The following ATP5MGL variants were observed in gnomAD, a reference collection of about 807,000 sequenced individuals.
ATP5MGL encodes the protein ATP synthase membrane subunit g like.
For missense variants in ATP5MGL, 119 were observed against 123.1 expected, an observed-to-expected ratio of 0.97 and a Z score of 0.16; for synonymous variants, 56 against 48.3, an observed-to-expected ratio of 1.16 and a Z score of -0.66.
rs559514039 is a variant in ATP5MGL, at chr22:42,640,174, G to A, written c.101C>T (p.Thr34Ile). The A allele has an allele frequency of 2.6e-5, 42 of 1,612,616 alleles. 2 individuals are homozygous for A. In the East Asian group the frequency reaches 8.0e-4, roughly 31 times the overall value. Residue 34 changes from threonine to isoleucine, a missense_variant, in exon 1 of 1, where the codon ACC becomes ATC. Coordinates refer to ENST00000505920, the MANE Select transcript of ATP5MGL (RefSeq NM_001165877.1). ...GGTGGGAGGAACCAGCTCAACCGTGGTGTAGTACCAAAATGCGGCCAATCG... is the reference window on the plus strand; with the variant it reads ...GGTGGGAGGAACCAGCTCAACCGTGATGTAGTACCAAAATGCGGCCAATCG... ...KPRLAAFWYY[T>I]TVELVPPTPA...
Position 42,640,291 on chromosome 22 carries a change from G to C in ATP5MGL, c.-17C>G. The C allele has an allele frequency of 6.5e-7, 1 of 1,543,848 alleles. No individual in the cohort carries two copies. Among genetic ancestry groups the C allele is most frequent in the Non-Finnish European group, 8.7e-7 (1 of 1,146,218 alleles). On this transcript the variant is annotated 5_prime_UTR_variant, in exon 1 of 1. Transcript: ENST00000505920. Reference sequence around the variant, plus strand: ...TGGAGCCATGGTTCTGGGATGGAAAGTCCATCATCCCGAATGGCCAGCTGA... The same window carrying C: ...TGGAGCCATGGTTCTGGGATGGAAACTCCATCATCCCGAATGGCCAGCTGA...
Position 42,640,509 on chromosome 22 carries a change from G to C in ATP5MGL, c.-235C>G, listed in dbSNP as rs1311629792. On this transcript the variant is annotated 5_prime_UTR_variant, in exon 1 of 1. Coordinates refer to ENST00000505920, the MANE Select transcript of ATP5MGL (RefSeq NM_001165877.1). ...TTTTCCTGCCTCAGCCTCCCGAGTAGCTGGGATTACAGGTGAGCACCACCA... is the reference window on the plus strand; with the variant it reads ...TTTTCCTGCCTCAGCCTCCCGAGTACCTGGGATTACAGGTGAGCACCACCA... The C allele has an allele frequency of 4.5e-6, 1 of 219,806 alleles. No homozygotes were observed. The highest frequency in any genetic ancestry group is 8.7e-6 in the Non-Finnish European group (1 of 115,502). The allele number at this position is 219,806 out of a possible 1,614,324, so 13.6% of individuals were successfully genotyped here. A position where few individuals can be genotyped will look rare whatever the true frequency, so the allele number is the denominator to read the frequency against.
At chr22:42,640,012 T>TA in the ATP5MGL span, 1 of 1,613,020 alleles carries the variant, frequency 6.2e-7, no homozygotes, top group African/African-American at 1.3e-5. Context: ...CTCTCTGACA[T>TA]AAAACCACGT....
Position 42,639,910 on chromosome 22 carries a change from TC to T in ATP5MGL, c.*61del, listed in dbSNP as rs1314111145. Reference sequence around the variant, plus strand: ...CAGATAGCAGTCTGATCACACCTGGTCCAACAACACTCAAATAATAAATCAA... The same window carrying T: ...CAGATAGCAGTCTGATCACACCTGGTCAACAACACTCAAATAATAAATCAA... On this transcript the variant is annotated 3_prime_UTR_variant, in exon 1 of 1. Coordinates refer to ENST00000505920, the MANE Select transcript of ATP5MGL (RefSeq NM_001165877.1). 4.6e-6 allele frequency: 7 copies of T among 1,522,032 alleles called. No homozygotes were observed. The African/African-American group carries it at 9.6e-5, about 21-fold the overall frequency. The allele number at this position is 1,522,032 out of a possible 1,614,324, so 94.3% of individuals were successfully genotyped here.
At position 42,640,188 on chromosome 22, in the gene ATP5MGL, T is replaced by C; in HGVS notation, c.87A>G (p.Ala29=). 2 of 1,611,182 alleles carry C rather than the reference T, an allele frequency of 1.2e-6. No homozygotes were observed. The highest frequency in any genetic ancestry group is 1.7e-6 in the Non-Finnish European group (2 of 1,179,478). Residue 29 remains alanine, a synonymous_variant, in exon 1 of 1, where the codon GCA becomes GCG. Coordinates refer to ENST00000505920, the MANE Select transcript of ATP5MGL (RefSeq NM_001165877.1). Reference sequence around the variant, plus strand: ...GCTCAACCGTGGTGTAGTACCAAAATGCGGCCAATCGAGGCTTCAAGTAAG... The same window carrying C: ...GCTCAACCGTGGTGTAGTACCAAAACGCGGCCAATCGAGGCTTCAAGTAAG... ...AVTYLKPRLA[A]FWYYTTVELV... is the part of the protein sequence containing the mutation.
rs897138660 is a variant in ATP5MGL at position 42,639,825 on chromosome 22, T to C, written c.*147A>G. On this transcript the variant is annotated 3_prime_UTR_variant, in exon 1 of 1. Coordinates refer to ENST00000505920, the MANE Select transcript of ATP5MGL (RefSeq NM_001165877.1). Reference sequence around the variant, plus strand: ...GACACAGTTGACCCTTGAACATGGGTTGGAACTGCTTGATTCACTTTTTTT... The same window carrying C: ...GACACAGTTGACCCTTGAACATGGGCTGGAACTGCTTGATTCACTTTTTTT... The C allele has an allele frequency of 9.9e-7, 1 of 1,015,036 alleles. No homozygotes were observed. Among genetic ancestry groups the C allele is most frequent in the Non-Finnish European group, 1.4e-6 (1 of 722,074 alleles). 62.9% of individuals were successfully genotyped at this position (1,015,036 alleles called of 1,614,324 possible).
rs1209353550 is a variant in ATP5MGL at position 42,640,015 on chromosome 22, AACC to A, written c.257_259del (p.Trp86del). On this transcript the variant is annotated inframe_deletion, in exon 1 of 1. Coordinates refer to ENST00000505920, the MANE Select transcript of ATP5MGL (RefSeq NM_001165877.1). ...CTTGCCTGTGATCTCTCTGACATAA[AACC>A]ACGTCGACACCTCAGTGGCCACCAA... The A allele has an allele frequency of 6.2e-7, 1 of 1,613,176 alleles. No individual in the cohort carries two copies.
At chr22:42,640,076 GT>G in the ATP5MGL span, 14 of 1,613,740 alleles carry the variant, frequency 8.7e-6, no homozygotes, top group African/African-American at 1.7e-4. Flanking sequence ...ACTGTGAGCT[GT>G]TTGAAGCTAC....
In ATP5MGL at chr22:42,639,819, C is replaced by G; in HGVS notation, c.*153G>C. 1.0e-6 allele frequency: 1 copy of G among 952,502 alleles called. No individual in the cohort carries two copies. Among genetic ancestry groups the G allele is most frequent in the East Asian group, 2.7e-5 (1 of 37,674 alleles). The allele number at this position is 952,502 out of a possible 1,614,324, so 59.0% of individuals were successfully genotyped here. ...AATATAGACACAGTTGACCCTTGAACATGGGTTGGAACTGCTTGATTCACT... is the reference window on the plus strand; with the variant it reads ...AATATAGACACAGTTGACCCTTGAAGATGGGTTGGAACTGCTTGATTCACT... On this transcript the variant is annotated 3_prime_UTR_variant, in exon 1 of 1. Transcript: ENST00000505920.
chr22:42,640,256 T>TACGGACAAATGGAGCCATGGTTCTGGG lies in ATP5MGL; in HGVS notation c.-9_18dup (p.Arg6_Asn7insProArgThrMetAlaProPheValArg), dbSNP rs1345713854. ...AGTGCTGGGGTCTTCTCCACAAGGTTACGGACAAATGGAGCCATGGTTCTG... is the reference window on the plus strand; with the variant it reads ...AGTGCTGGGGTCTTCTCCACAAGGTTACGGACAAATGGAGCCATGGTTCTGGGACGGACAAATGGAGCCATGGTTCTG... On this transcript the variant is annotated inframe_insertion, in exon 1 of 1. Transcript: ENST00000505920. 3.2e-6 allele frequency: 5 copies of TACGGACAAATGGAGCCATGGTTCTGGG among 1,568,542 alleles called. No individual in the cohort carries two copies. Among genetic ancestry groups the TACGGACAAATGGAGCCATGGTTCTGGG allele is most frequent in the Non-Finnish European group, 4.3e-6 (5 of 1,160,334 alleles).
At position 42,640,098 on chromosome 22, in the gene ATP5MGL, A is replaced by T; in HGVS notation, c.177T>A (p.Ser59Arg). The change falls in exon 1 of 1, where the codon AGT becomes AGA. Residue 59 changes from serine (S) to arginine (R), a missense_variant. By Grantham distance (110) the Ser-to-Arg change is moderately radical. Coordinates refer to ENST00000505920, the MANE Select transcript of ATP5MGL (RefSeq NM_001165877.1). The part of the protein sequence containing the change: ...AIQSLKKIVS[S>R]AQTGSFKQLT... ...GCTGTTTGAAGCTACCAGTCTGAGC[A>T]CTACTGACTATTTTTTTCAGGCTCT... is the stretch of plus-strand genomic sequence containing the variant. The T allele has an allele frequency of 6.2e-7, 1 of 1,613,956 alleles. No homozygotes were observed.
chr22:42,640,554 C>A lies in ATP5MGL; in HGVS notation c.-280G>T. ...CCACCACGTCTGGCTAATTTTTGTA[C>A]TTTTAGTAGAGACAATGTTTCGCCA... On this transcript the variant is annotated 5_prime_UTR_variant, in exon 1 of 1. Transcript: ENST00000505920. 1 of 169,518 alleles carries A rather than the reference C, an allele frequency of 5.9e-6. No homozygotes were observed. The highest frequency in any genetic ancestry group is 1.2e-5 in the Non-Finnish European group (1 of 80,348). 10.5% of individuals were successfully genotyped at this position (169,518 alleles called of 1,614,324 possible). A position where few individuals can be genotyped will look rare whatever the true frequency, so the allele number is the denominator to read the frequency against.
At position 42,640,419 on chromosome 22, in the gene ATP5MGL, C is replaced by T. The variant is rs1044525039; in HGVS notation, c.-145G>A. 9 of 563,078 alleles carry T rather than the reference C, an allele frequency of 1.6e-5. No homozygotes were observed. Among genetic ancestry groups the T allele is most frequent in the Non-Finnish European group, 2.2e-5 (9 of 401,992 alleles). 34.9% of individuals were successfully genotyped at this position (563,078 alleles called of 1,614,324 possible). A position where few individuals can be genotyped will look rare whatever the true frequency, so the allele number is the denominator to read the frequency against. On this transcript the variant is annotated 5_prime_UTR_variant, in exon 1 of 1. In the 5' UTR this introduces an upstream ATG that the reference lacks. Coordinates refer to ENST00000505920, the MANE Select transcript of ATP5MGL (RefSeq NM_001165877.1). ...TTTGAGATGGAGTCTCACTCTATCACCCAGGCTGGAGTACAGTGGTGTGAT... is the reference window on the plus strand; with the variant it reads ...TTTGAGATGGAGTCTCACTCTATCATCCAGGCTGGAGTACAGTGGTGTGAT...
Position 42,639,896 on chromosome 22 carries a change from C to A in ATP5MGL, c.*76G>T. ...AATCTTATTTTATTCAGATAGCAGT[C>A]TGATCACACCTGGTCCAACAACACT... On this transcript the variant is annotated 3_prime_UTR_variant, in exon 1 of 1. Transcript: ENST00000505920. 6 of 1,424,300 alleles carry A rather than the reference C, an allele frequency of 4.2e-6. No homozygotes were observed. The highest frequency in any genetic ancestry group is 1.4e-5 in the South Asian group (1 of 70,318). 88.2% of individuals were successfully genotyped at this position (1,424,300 alleles called of 1,614,324 possible).
In ATP5MGL at chr22:42,640,163, G is replaced by C; in HGVS notation, c.112C>G (p.Leu38Val). The C allele has an allele frequency of 6.2e-7, 1 of 1,613,044 alleles. No individual in the cohort carries two copies. Among genetic ancestry groups the C allele is most frequent in the Non-Finnish European group, 8.5e-7 (1 of 1,179,936 alleles). ...ATCTCAGCAGGGGTGGGAGGAACCA[G>C]CTCAACCGTGGTGTAGTACCAAAAT... The part of the protein sequence containing the change: ...AAFWYYTTVE[L>V]VPPTPAEIPR... Residue 38 changes from leucine (L) to valine (V), a missense_variant, in exon 1 of 1, where the codon CTG (leucine) becomes GTG (valine). Transcript: ENST00000505920.
At position 42,640,449 on chromosome 22, in the gene ATP5MGL, G is replaced by A. The variant is rs1397832042; in HGVS notation, c.-175C>T. 2.4e-6 allele frequency: 1 copy of A among 409,228 alleles called. No individual in the cohort carries two copies. The highest frequency in any genetic ancestry group is 3.7e-6 in the Non-Finnish European group (1 of 267,942). 25.3% of individuals were successfully genotyped at this position (409,228 alleles called of 1,614,324 possible). On this transcript the variant is annotated 5_prime_UTR_variant, in exon 1 of 1. Coordinates refer to ENST00000505920, the MANE Select transcript of ATP5MGL (RefSeq NM_001165877.1). ...GCTGGAGTACAGTGGTGTGATCTTG[G>A]CTAACTGTGACCTCCGCCTCCCGGG... is the stretch of plus-strand genomic sequence containing the variant.
chr22:42,639,994 C>T lies in ATP5MGL; in HGVS notation c.281G>A (p.Gly94Asp), dbSNP rs2146901450. The change falls in exon 1 of 1, where the codon GGC (glycine) becomes GAC (aspartate). Residue 94 changes from glycine (G) to aspartate (D), a missense_variant. Physicochemically the swap from Gly to Asp is moderately conservative, Grantham distance 94. Coordinates refer to ENST00000505920, the MANE Select transcript of ATP5MGL (RefSeq NM_001165877.1). ...ATTCTAGCCAATGATGCCACGCTTG[C>T]CTGTGATCTCTCTGACATAAAACCA... The part of the protein sequence containing the change: ...STWFYVREIT[G>D]KRGIIG 1 of 1,612,398 alleles carries T rather than the reference C, an allele frequency of 6.2e-7. No homozygotes were observed. Among genetic ancestry groups the T allele is most frequent in the Admixed American group, 1.7e-5 (1 of 60,004 alleles).
chr22:42,639,980 T>C lies in ATP5MGL; in HGVS notation c.295A>G (p.Ile99Val). 6.2e-7 allele frequency: 1 copy of C among 1,611,680 alleles called. No homozygotes were observed. Among genetic ancestry groups the C allele is most frequent in the Non-Finnish European group, 8.5e-7 (1 of 1,179,838 alleles). Residue 99 changes from isoleucine to valine, a missense_variant, in exon 1 of 1, where the codon ATT (isoleucine) becomes GTT (valine). Physicochemically the swap from Ile to Val is conservative, Grantham distance 29 (BLOSUM62 3). Transcript: ENST00000505920. ...VREITGKRGIIG is the reference protein window; with the variant it reads ...VREITGKRGIVG The stretch of plus-strand genomic sequence containing the variant: ...ACTGGTCTTCAAACATTCTAGCCAA[T>C]GATGCCACGCTTGCCTGTGATCTCT...
rs59947151 is a variant in ATP5MGL at position 42,639,843 on chromosome 22, C to CTTTT, written c.*125_*128dup. The CTTTT allele has an allele frequency of 9.1e-4, 916 of 1,011,022 alleles. No homozygotes were observed. Among genetic ancestry groups the CTTTT allele is most frequent in the Non-Finnish European group, 1.1e-3 (816 of 731,454 alleles). The allele number at this position is 1,011,022 out of a possible 1,614,324, so 62.6% of individuals were successfully genotyped here. A position where few individuals can be genotyped will look rare whatever the true frequency, so the allele number is the denominator to read the frequency against. On this transcript the variant is annotated 3_prime_UTR_variant, in exon 1 of 1. Coordinates refer to ENST00000505920, the MANE Select transcript of ATP5MGL (RefSeq NM_001165877.1). Reference sequence around the variant, plus strand: ...ACATGGGTTGGAACTGCTTGATTCACTTTTTTTTTTTTTTGGAATTTCTGA... The same window carrying CTTTT: ...ACATGGGTTGGAACTGCTTGATTCACTTTTTTTTTTTTTTTTTTGGAATTTCTGA...
Sources: gnomAD v4.1 joint callset for allele counts on GRCh38, gnomAD v4.1.1 for gene constraint, MANE v1.5 for transcripts, NCBI Gene and HGNC (gene_info 2026-07-23, HGNC 2026-07-21) for gene names.